The following FARP2 variants were observed in gnomAD, a reference collection of about 807,000 sequenced individuals.
FARP2 encodes the protein FERM, ARH/RhoGEF and pleckstrin domain protein 2.
A neutral mutation model predicts 130.5 loss-of-function variants in FARP2; 111 were observed. The observed-to-expected ratio is 0.85, with a 90% confidence interval of 0.73 to 1.00. FARP2 has a LOEUF of 1.00. Among genes scored for constraint, FARP2 ranks in the 50% least tolerant of loss-of-function variants. The pLI, the probability that FARP2 is intolerant of heterozygous loss-of-function variation, is 0.00. For synonymous variants in FARP2, 504 were observed against 516.9 expected (o/e 0.98, Z 0.34); for missense variants, 1,385 against 1,346.3 (o/e 1.03, Z -0.45).
chr2:241,360,368 C>G (rs76944899), intron 1 of FARP2, among the ~76,000 whole-genome samples: 5 of 152,012 alleles, frequency 3.3e-5, no homozygotes, highest in Admixed American at 3.3e-4. Context: ...AGGCTGGGAG[C>G]GGTGGCTCAC....
rs1334067179 is a variant in FARP2 at position 241,456,827 on chromosome 2, T to C, written c.1492T>C (p.Leu498=). The part of the protein sequence containing the change: ...LSLSPAFQVP[L]GPAEQGSSPL... ...TCTGAGCCCTGCATTTCAGGTGCCT[T>C]TGGGCCCAGCTGAACAGGGCTCATC... Residue 498 remains leucine, a synonymous_variant, in exon 14 of 27, where the codon TTG becomes CTG. Coordinates refer to ENST00000264042, the MANE Select transcript of FARP2 (RefSeq NM_014808.4). 2.5e-6 allele frequency: 4 copies of C among 1,613,984 alleles called. No homozygotes were observed. The Admixed American group carries it at 6.7e-5, about 27-fold the overall frequency.
intron 2 of FARP2, among the ~76,000 whole-genome samples, chr2:241,377,113 C>T (rs571196424): frequency 6.6e-6 from 1 of 152,214 alleles, no homozygotes; most frequent in Admixed American, 6.5e-5. Context: ...TCTTATTTGT[C>T]AGTTTACTAG....
At chr2:241,411,200 A>G (rs1661348731) in intron 6 of FARP2, 70 bp downstream of exon 6, 1 of 1,049,290 alleles carries the variant, frequency 9.5e-7, no homozygotes, top group Admixed American at 2.0e-5. Context: ...TCAGAACTAC[A>G]ATTAGTTGCT....
rs535622084 is a variant in FARP2 at position 241,489,988 on chromosome 2, T to C, written c.2448T>C (p.Ser816=). The change falls in exon 22 of 27, where the codon TCT becomes TCC. Residue 816 remains serine, a synonymous_variant. Transcript: ENST00000264042. ...TGGAAGAAAGTGATAACGAGTGGTC[T>C]GTTCCACACTGTTTCACCATCTACG... is the stretch of plus-strand genomic sequence containing the variant. ...MLVEESDNEW[S]VPHCFTIYAA... is the part of the protein sequence containing the mutation. The C allele has an allele frequency of 6.2e-7, 1 of 1,613,802 alleles. No individual in the cohort carries two copies. The highest frequency in any genetic ancestry group is 8.5e-7 in the Non-Finnish European group (1 of 1,179,790).
At chr2:241,366,298 C>G (rs2061319896) in intron 1 of FARP2, among the ~76,000 whole-genome samples, 3 of 151,032 alleles carry the variant, frequency 2.0e-5, no homozygotes, top group Non-Finnish European at 2.9e-5. Context: ...TCATACCATC[C>G]CCCACAGAAG....
chr2:241,456,655 G>A (rs755794116), intron 13 of FARP2, 92 bp from the exon 14 acceptor site: 13 of 1,251,126 alleles, frequency 1.0e-5, no homozygotes, highest in Middle Eastern at 1.9e-4. Flanking sequence ...TGAGGCTGGC[G>A]GTTGAATGGT....
rs573181297 is a variant in FARP2, at chr2:241,459,999, G to T, written c.1588-2524G>T. On this transcript the variant is annotated intron_variant, in intron 14 of 26. Transcript: ENST00000264042. The surrounding 1 kb of genome is among the most constrained non-coding windows in gnomAD (Gnocchi z 5.3). ...GCCCCTGGAGGAGTGGAGCTGCTCC[G>T]GGACTCGAGCATCCTGTTTCTTTCT... Among the ~76,000 whole-genome samples the T allele has an allele frequency of 4.6e-5, 7 of 152,126 alleles. No homozygotes were observed. Among genetic ancestry groups the T allele is most frequent in the African/African-American group, 1.7e-4 (7 of 41,418 alleles).
rs778493409 is a variant in FARP2 at position 241,456,883 on chromosome 2, T to C, written c.1548T>C (p.Ala516=). 3.7e-6 allele frequency: 6 copies of C among 1,610,014 alleles called. No individual in the cohort carries two copies. In the East Asian group the frequency reaches 6.7e-5, roughly 18 times the overall value. The change falls in exon 14 of 27, where the codon GCT becomes GCC. Residue 516 remains alanine, a synonymous_variant. Coordinates refer to ENST00000264042, the MANE Select transcript of FARP2 (RefSeq NM_014808.4). ...TCCTGAGCCCTGTCCTCAGTGATGCTGGCGGAGCCGGGATGGACTGCGAGG... is the reference window on the plus strand; with the variant it reads ...TCCTGAGCCCTGTCCTCAGTGATGCCGGCGGAGCCGGGATGGACTGCGAGG... ...SPLLSPVLSD[A]GGAGMDCEEP... is the part of the protein sequence containing the mutation.
chr2:241,409,331 G>T (rs932915686), intron 5 of FARP2, among the ~76,000 whole-genome samples: 3 of 152,118 alleles, frequency 2.0e-5, no homozygotes, highest in African/African-American at 7.2e-5. Context: ...GGGGGGATCA[G>T]TTGAGCTCAG....
chr2:241,398,510 T>G (rs900841294), intron 2 of FARP2, among the ~76,000 whole-genome samples: 1 of 152,218 alleles, frequency 6.6e-6, no homozygotes, highest in African/African-American at 2.4e-5. Flanking sequence ...ATTCTGCTGT[T>G]TAATTGACAT....
intron 8 of FARP2, among the ~76,000 whole-genome samples, chr2:241,418,956 C>A (rs1174070960): frequency 6.6e-6 from 1 of 152,154 alleles, no homozygotes; most frequent in East Asian, 1.9e-4. Context: ...CTACGGTAAT[C>A]CTGAAAAGGT....
intron 4 of FARP2, among the ~76,000 whole-genome samples, chr2:241,407,254 T>A (rs760528141): frequency 6.6e-4 from 101 of 152,152 alleles, no homozygotes; most frequent in Non-Finnish European, 3.5e-4. Flanking sequence ...GGAGACAGGG[T>A]CTCACCCTGC....
chr2:241,453,451 T>C lies in FARP2; in HGVS notation c.1412-3296T>C, dbSNP rs185425703. Among the ~76,000 whole-genome samples the C allele has an allele frequency of 7.9e-3, 1,187 of 150,786 alleles. 15 individuals carry two copies. The highest frequency in any genetic ancestry group is 0.031 in the Admixed American group (473 of 15,100). On this transcript the variant is annotated intron_variant, in intron 13 of 26. Coordinates refer to ENST00000264042, the MANE Select transcript of FARP2 (RefSeq NM_014808.4). ...TCCTGGCTAACATGGTGAAACCCCG[T>C]CTCTACTAAAAATACAAAAAATTAG...
chr2:241,401,875 C>T (rs1373922485), intron 2 of FARP2, among the ~76,000 whole-genome samples: 4 of 151,848 alleles, frequency 2.6e-5, no homozygotes, highest in Admixed American at 2.0e-4. Flanking sequence ...CTGCAACATC[C>T]GCCTCCCGGG....
At chr2:241,435,218 C>T (rs558737356) in intron 11 of FARP2, among the ~76,000 whole-genome samples, 188 bp downstream of exon 11, 9 of 151,924 alleles carry the variant, frequency 5.9e-5, no homozygotes, top group Non-Finnish European at 1.0e-4. Context: ...CTCAGCCTCC[C>T]GAGTAGCTGG....
intron 19 of FARP2, chr2:241,477,780 G>A (rs1022435950): frequency 6.6e-6 from 1 of 152,262 alleles, no homozygotes; most frequent in African/African-American, 2.4e-5. Flanking sequence ...TGTCTTGTGT[G>A]GTTACAATTT....
intron 1 of FARP2, among the ~76,000 whole-genome samples, chr2:241,358,082 G>C (rs1245842634): frequency 6.6e-6 from 1 of 152,202 alleles, no homozygotes; most frequent in African/African-American, 2.4e-5. Flanking sequence ...ATAGCTACTT[G>C]AGAGGCTGAG....
At chr2:241,363,316 T>G (rs1194719366) in intron 1 of FARP2, among the ~76,000 whole-genome samples, 1 of 152,162 alleles carries the variant, frequency 6.6e-6, no homozygotes, top group African/African-American at 2.4e-5. Flanking sequence ...CACCTAAAAC[T>G]CTTAGGGAAT....
At chr2:241,460,859 G>A (rs987556877) in intron 14 of FARP2, among the ~76,000 whole-genome samples, 2 of 152,182 alleles carry the variant, frequency 1.3e-5, no homozygotes, top group East Asian at 1.9e-4. Context: ...AGCAGTGGAC[G>A]TGTGCAGGAC....
Sources: gnomAD v4.1 joint callset for allele counts (sites outside exome capture counted in the v4.1 genomes callset) on GRCh38, gnomAD v4.1.1 for gene constraint, Gnocchi (gnomAD v3.1) non-coding constraint, MANE v1.5 for transcripts, NCBI Gene and HGNC (gene_info 2026-07-23, HGNC 2026-07-21) for gene names.